GPR137C: variants seen among roughly 807,000 people sequenced by gnomAD.
The protein encoded by GPR137C is integral membrane protein GPR137C.
GPR137C carries 27 observed loss-of-function variants against 43.4 expected under a neutral mutation model. The ratio of observed to expected loss-of-function variants is 0.62; its 90% CI spans 0.46 to 0.86. The LOEUF (loss-of-function observed/expected upper bound fraction) is 0.86, where lower values mean the gene tolerates loss of function less well. Among genes scored for constraint, GPR137C ranks in the 40% least tolerant of loss-of-function variants. The pLI is 0.00. For synonymous variants in GPR137C, 285 were observed against 226.9 expected (o/e 1.26, Z -2.30); for missense variants, 522 against 534.6 (o/e 0.98, Z 0.23).
intron 1 of GPR137C, among the ~76,000 whole-genome samples, chr14:52,574,682 T>C (rs933865152): frequency 2.0e-5 from 3 of 152,218 alleles, no homozygotes; most frequent in Non-Finnish European, 4.4e-5. Context: ...TTGCACGTTC[T>C]GCACGTGTAT....
intron 3 of GPR137C, among the ~76,000 whole-genome samples, chr14:52,604,459 T>C (rs1377147061): frequency 6.6e-6 from 1 of 151,808 alleles, no homozygotes; most frequent in Non-Finnish European, 1.5e-5. Context: ...TTTTTTTTCT[T>C]GAGACAGAGT....
chr14:52,627,664 T>G (rs903264094), intron 3 of GPR137C, among the ~76,000 whole-genome samples: 1 of 151,948 alleles, frequency 6.6e-6, no homozygotes, highest in Non-Finnish European at 1.5e-5. Flanking sequence ...GCCAACGTGG[T>G]GAAACCCCAT....
At chr14:52,571,631 G>A (rs931467337) in intron 1 of GPR137C, among the ~76,000 whole-genome samples, 15 of 152,010 alleles carry the variant, frequency 9.9e-5, no homozygotes, top group South Asian at 2.1e-4. Flanking sequence ...CCAAGATTGC[G>A]CCATTGCACT....
chr14:52,592,853 A>G (rs2038801815), intron 1 of GPR137C, among the ~76,000 whole-genome samples: 1 of 152,178 alleles, frequency 6.6e-6, no homozygotes, highest in African/African-American at 2.4e-5. Flanking sequence ...CCTGGCCAGA[A>G]TTTCCAACAC....
At chr14:52,577,799 CAAAAA>C (rs564080315) in intron 1 of GPR137C, among the ~76,000 whole-genome samples, 1 of 104,220 alleles carries the variant, frequency 9.6e-6, no homozygotes, top group Non-Finnish European at 2.0e-5. Context: ...ACCATCTCTA[CAAAAA>C]AAAAAAAAAA....
chr14:52,553,530 A>C lies in GPR137C; in HGVS notation c.383A>C (p.Tyr128Ser). The C allele has an allele frequency of 6.2e-7, 1 of 1,609,262 alleles. No individual in the cohort carries two copies. Among genetic ancestry groups the C allele is most frequent in the East Asian group, 2.2e-5 (1 of 44,822 alleles). The change falls in exon 1 of 7, where the codon TAC becomes TCC. Residue 128 changes from tyrosine to serine, a missense_variant. By Grantham distance (144) the Tyr-to-Ser change is moderately radical. Coordinates refer to ENST00000321662, the MANE Select transcript of GPR137C (RefSeq NM_001099652.2). ...HLHFFPHWLL[Y>S]CFPSCLQFST... Reference sequence around the variant, plus strand: ...CACTTCTTCCCCCACTGGCTGCTCTACTGCTTCCCCTCCTGTCTCCAGTTC... The same window carrying C: ...CACTTCTTCCCCCACTGGCTGCTCTCCTGCTTCCCCTCCTGTCTCCAGTTC...
At chr14:52,577,593 GCAAA>G (rs1422056810) in intron 1 of GPR137C, among the ~76,000 whole-genome samples, 3 of 147,162 alleles carry the variant, frequency 2.0e-5, no homozygotes, top group Admixed American at 6.8e-5. Context: ...AAATTGGTAG[GCAAA>G]CAAAAGAAGA....
rs72684263 is a variant in GPR137C, at chr14:52,632,000, G to A, written c.718-160G>A. On this transcript the variant is annotated intron_variant, in intron 3 of 6. Coordinates refer to ENST00000321662, the MANE Select transcript of GPR137C (RefSeq NM_001099652.2). ...ACATATTAAACACAAGCAGTTCTAG[G>A]AATAGGAATTGAAAAGCAAGATAAT... Among the ~76,000 whole-genome samples the A allele has an allele frequency of 1.2e-3, 175 of 151,940 alleles. 1 individual carries two copies. The highest frequency in any genetic ancestry group is 3.4e-3 in the Middle Eastern group (1 of 290).
chr14:52,566,622 A>T (rs1019902975), intron 1 of GPR137C, among the ~76,000 whole-genome samples: 1 of 152,262 alleles, frequency 6.6e-6, no homozygotes, highest in African/African-American at 2.4e-5. Context: ...TAGAGCATAT[A>T]TACTTGGCAG....
intron 2 of GPR137C, among the ~76,000 whole-genome samples, chr14:52,599,632 C>T (rs2038900284): frequency 6.6e-6 from 1 of 152,080 alleles, no homozygotes; most frequent in South Asian, 2.1e-4. Flanking sequence ...TGAGGTTTCT[C>T]CATGTTGGCC....
chr14:52,625,206 G>A (rs1204364212), intron 3 of GPR137C, among the ~76,000 whole-genome samples: 2 of 151,864 alleles, frequency 1.3e-5, no homozygotes, highest in Non-Finnish European at 2.9e-5. Context: ...GGAGGGGGCT[G>A]GACACGGTGG....
At chr14:52,565,523 T>A (rs1016367419) in intron 1 of GPR137C, among the ~76,000 whole-genome samples, 1 of 152,232 alleles carries the variant, frequency 6.6e-6, no homozygotes. Context: ...TACTACATAT[T>A]GCTTTAGATC....
chr14:52,630,377 T>A (rs1253066108), intron 3 of GPR137C, among the ~76,000 whole-genome samples: 1 of 152,164 alleles, frequency 6.6e-6, no homozygotes, highest in Non-Finnish European at 1.5e-5. Flanking sequence ...TGTTTTCTTG[T>A]TCTTGTTTCC....
intron 1 of GPR137C, among the ~76,000 whole-genome samples, chr14:52,559,311 G>A (rs2038243233): frequency 6.6e-6 from 1 of 151,426 alleles, no homozygotes; most frequent in Non-Finnish European, 1.5e-5. Context: ...GAACCTGGGA[G>A]GTGGAAGTTG....
chr14:52,588,320 T>TA (rs145144696), intron 1 of GPR137C, among the ~76,000 whole-genome samples: 4 of 152,082 alleles, frequency 2.6e-5, no homozygotes, highest in African/African-American at 7.2e-5. Context: ...GCTTTTTTTT[T>TA]ATTTAATAGA....
intron 3 of GPR137C, among the ~76,000 whole-genome samples, chr14:52,616,584 G>T (rs1284769564): frequency 1.3e-5 from 2 of 152,108 alleles, no homozygotes; most frequent in Non-Finnish European, 2.9e-5. Context: ...GTGAGGCACT[G>T]CCCCCAGCCA....
intron 1 of GPR137C, among the ~76,000 whole-genome samples, chr14:52,580,431 C>T (rs933925326): frequency 3.3e-5 from 5 of 152,204 alleles, no homozygotes; most frequent in African/African-American, 9.6e-5. Flanking sequence ...GGCACGATCT[C>T]GGCTCACTGC....
At position 52,637,666 on chromosome 14, in the gene GPR137C, A is replaced by T. The variant is rs2039368397; in HGVS notation, c.*2551A>T. 1 of 152,104 alleles carries T rather than the reference A, an allele frequency of 6.6e-6. No homozygotes were observed. The highest frequency in any genetic ancestry group is 1.9e-4 in the East Asian group (1 of 5,186). The allele number at this position is 152,104 out of a possible 1,614,324, so 9.4% of individuals were successfully genotyped here. A position where few individuals can be genotyped will look rare whatever the true frequency, so the allele number is the denominator to read the frequency against. Reference sequence around the variant, plus strand: ...AATGTATTTATTTGTTGTTTCACTAAATTGTAACAAAACACTACTATTAAA... The same window carrying T: ...AATGTATTTATTTGTTGTTTCACTATATTGTAACAAAACACTACTATTAAA... On this transcript the variant is annotated 3_prime_UTR_variant, in exon 7 of 7. Coordinates refer to ENST00000321662, the MANE Select transcript of GPR137C (RefSeq NM_001099652.2).
intron 1 of GPR137C, among the ~76,000 whole-genome samples, chr14:52,557,490 CAGTT>C (rs1287225565): frequency 6.6e-6 from 1 of 152,182 alleles, no homozygotes; most frequent in Non-Finnish European, 1.5e-5. Context: ...TATCCTGAGT[CAGTT>C]ACTGTTTACC....
Sources: allele counts gnomAD v4.1 joint callset (sites outside exome capture counted in the v4.1 genomes callset), GRCh38; gene constraint gnomAD v4.1.1; transcripts MANE v1.5; gene names NCBI Gene and HGNC (gene_info 2026-07-23, HGNC 2026-07-21).